Variants in BAZ2B observed in about 807,000 individuals in gnomAD.
BAZ2B encodes bromodomain adjacent to zinc finger domain 2B.
Under a neutral mutation model 246.0 loss-of-function variants are expected in BAZ2B, and 91 were observed. The observed-to-expected ratio is 0.37, with a 90% CI of 0.31 to 0.44. The LOEUF (loss-of-function observed/expected upper bound fraction) is 0.44, where lower values mean the gene tolerates loss of function less well. Ranked by LOEUF, BAZ2B falls within the 20% of genes least tolerant of loss-of-function variation. The pLI, the probability that BAZ2B is intolerant of heterozygous loss-of-function variation, is 1.00. For missense variants in BAZ2B, 2,332 were observed against 2,533.7 expected (o/e 0.92, Z 1.71); for synonymous variants, 855 against 860.0 (o/e 0.99, Z 0.10).
chr2:159,509,955 C>T lies in BAZ2B; in HGVS notation c.-2-31234G>A, dbSNP rs576754632. Among the ~76,000 whole-genome samples the T allele has an allele frequency of 5.9e-5, 9 of 151,380 alleles. No homozygotes were observed. In the South Asian group the frequency reaches 1.7e-3, roughly 28 times the overall value. ...TATATATGTACACATATACATATAT[C>T]TATAAAATGGAACTATAAAAGGAAA... On this transcript the variant is annotated intron_variant, in intron 2 of 36. Coordinates refer to ENST00000392783, the MANE Select transcript of BAZ2B (RefSeq NM_013450.4).
At chr2:159,604,146 G>C (rs1010641913) in intron 1 of BAZ2B, among the ~76,000 whole-genome samples, 2 of 152,170 alleles carry the variant, frequency 1.3e-5, no homozygotes, top group Non-Finnish European at 2.9e-5. Flanking sequence ...CTGGCAAGTT[G>C]TACAGCTGCA....
At chr2:159,398,740 G>A (rs969548876) in intron 18 of BAZ2B, 89 bp downstream of exon 18, 3 of 1,201,958 alleles carry the variant, frequency 2.5e-6, no homozygotes, top group Middle Eastern at 4.2e-4. Flanking sequence ...TCATTTTGAA[G>A]AAAGCTATTT....
At chr2:159,431,272 G>A (rs2071061206) in intron 9 of BAZ2B, 116 bp from the exon 10 acceptor site, 2 of 1,383,348 alleles carry the variant, frequency 1.4e-6, no homozygotes, top group African/African-American at 1.5e-5. Context: ...ACTCAAATGA[G>A]CAATTTTCCT....
chr2:159,580,981 C>A (rs1270305198), intron 1 of BAZ2B, among the ~76,000 whole-genome samples: 1 of 152,190 alleles, frequency 6.6e-6, no homozygotes, highest in Non-Finnish European at 1.5e-5. Context: ...AAAACCTAGA[C>A]AATACCATTC....
At chr2:159,502,218 G>A (rs1292262107) in intron 2 of BAZ2B, among the ~76,000 whole-genome samples, 1 of 151,904 alleles carries the variant, frequency 6.6e-6, no homozygotes, top group South Asian at 2.1e-4. Context: ...ATTATGAAAT[G>A]TTTTAACTGA....
the BAZ2B span, among the ~76,000 whole-genome samples, chr2:159,640,246 G>A: frequency 4.0e-5 from 6 of 151,886 alleles, no homozygotes; most frequent in Admixed American, 6.6e-5. Flanking sequence ...ATTCCAATAC[G>A]ATAATAGTGA....
intron 13 of BAZ2B, among the ~76,000 whole-genome samples, chr2:159,417,033 T>G (rs2149994928): frequency 6.6e-6 from 1 of 152,350 alleles, no homozygotes; most frequent in East Asian, 1.9e-4. Context: ...TCAAAAGAAT[T>G]TAATTCTTTT....
At chr2:159,586,679 A>G (rs1688081196) in intron 1 of BAZ2B, among the ~76,000 whole-genome samples, 2 of 152,158 alleles carry the variant, frequency 1.3e-5, no homozygotes, top group Non-Finnish European at 2.9e-5. Context: ...GAACAACCTG[A>G]GCAACAAAAT....
chr2:159,324,761 A>G, intron 36 of BAZ2B, 50 bp downstream of exon 36: 1 of 1,318,640 alleles, frequency 7.6e-7, no homozygotes, highest in Non-Finnish European at 1.0e-6. Context: ...TATGCCTAGC[A>G]TATATCAGGT....
the BAZ2B span, among the ~76,000 whole-genome samples, chr2:159,654,185 G>A: frequency 7.2e-5 from 11 of 152,240 alleles, no homozygotes; most frequent in South Asian, 2.1e-4. Context: ...AAAGATAGCC[G>A]TTTCCCAACT....
chr2:159,399,890 C>T (rs1037190312), intron 17 of BAZ2B, among the ~76,000 whole-genome samples: 16 of 152,142 alleles, frequency 1.1e-4, no homozygotes, highest in African/African-American at 3.1e-4. Flanking sequence ...GTACACTAAA[C>T]GTAATTTGGC....
chr2:159,467,980 A>G (rs929510441), intron 3 of BAZ2B, among the ~76,000 whole-genome samples: 1 of 152,190 alleles, frequency 6.6e-6, no homozygotes, highest in Non-Finnish European at 1.5e-5. Context: ...CAGCATCTCA[A>G]AATGTAAAGG....
At chr2:159,600,583 A>G (rs1471846181) in intron 1 of BAZ2B, among the ~76,000 whole-genome samples, 2 of 152,248 alleles carry the variant, frequency 1.3e-5, no homozygotes, top group Non-Finnish European at 2.9e-5. Context: ...GAAATCCACC[A>G]AACAGGACAA....
chr2:159,500,953 CAAA>C (rs1352376997), intron 2 of BAZ2B, among the ~76,000 whole-genome samples: 1 of 115,504 alleles, frequency 8.7e-6, no homozygotes. Flanking sequence ...GACTCTGTCT[CAAA>C]AAAAAAAAGA....
chr2:159,361,493 A>G (rs1442050968), intron 27 of BAZ2B, among the ~76,000 whole-genome samples: 1 of 152,210 alleles, frequency 6.6e-6, no homozygotes, highest in Non-Finnish European at 1.5e-5. Flanking sequence ...ACGCTTTTAC[A>G]CTGTTGGTGG....
At chr2:159,374,346 A>G (rs1347309057) in intron 26 of BAZ2B, among the ~76,000 whole-genome samples, 1 of 152,214 alleles carries the variant, frequency 6.6e-6, no homozygotes, top group African/African-American at 2.4e-5. Flanking sequence ...TTTTTTAGTA[A>G]TTAATTCCAA....
the BAZ2B span, among the ~76,000 whole-genome samples, chr2:159,656,088 T>G: frequency 6.6e-6 from 1 of 152,158 alleles, no homozygotes; most frequent in Non-Finnish European, 1.5e-5. Context: ...AAAGTTTTGT[T>G]TATTTATTTT....
Position 159,528,727 on chromosome 2 carries a change from C to A in BAZ2B, c.-3+27096G>T, listed in dbSNP as rs545911777. 2.7e-5 allele frequency among the ~76,000 whole-genome samples: 4 copies of A among 150,920 alleles called. No individual in the cohort carries two copies. In the East Asian group the frequency reaches 5.8e-4, roughly 22 times the overall value. On this transcript the variant is annotated intron_variant, in intron 2 of 36. Transcript: ENST00000392783. ...AGTAGAGAAGTTATGAAACAGCAAT[C>A]GATTGTAGAAAATCCTTTTATTAAC...
chr2:159,486,624 C>T (rs541643022), intron 2 of BAZ2B, among the ~76,000 whole-genome samples: 1 of 150,560 alleles, frequency 6.6e-6, no homozygotes, highest in Admixed American at 6.6e-5. Flanking sequence ...GCTGGTCACC[C>T]TCACATTAGG....
Sources: allele counts gnomAD v4.1 joint callset (sites outside exome capture counted in the v4.1 genomes callset), GRCh38; gene constraint gnomAD v4.1.1; transcripts MANE v1.5; gene names NCBI Gene and HGNC (gene_info 2026-07-23, HGNC 2026-07-21).